The following HIBCH variants were observed in gnomAD, a reference collection of about 807,000 sequenced individuals.
The protein encoded by HIBCH is 3-hydroxyisobutyryl-CoA hydrolase.
A neutral mutation model predicts 58.2 loss-of-function variants in HIBCH; 50 were observed. The ratio of observed to expected loss-of-function variants is 0.86; its 90% confidence interval spans 0.68 to 1.09. HIBCH has a LOEUF of 1.09. Among genes scored for constraint, HIBCH ranks in the 50% least tolerant of loss-of-function variants. The pLI, the probability that HIBCH is intolerant of heterozygous loss-of-function variation, is 0.00. For synonymous variants in HIBCH, 151 were observed against 146.9 expected (o/e 1.03, Z -0.20); for missense variants, 450 against 449.7 (o/e 1.00, Z -0.01).
At chr2:190,230,463 A>G (rs1479271435) in intron 11 of HIBCH, among the ~76,000 whole-genome samples, 1 of 152,234 alleles carries the variant, frequency 6.6e-6, no homozygotes, top group Non-Finnish European at 1.5e-5. Flanking sequence ...TTGGGAGGCC[A>G]AGGCGGGCAG....
At chr2:190,318,150 G>A (rs1262603708) in intron 1 of HIBCH, among the ~76,000 whole-genome samples, 1 of 151,750 alleles carries the variant, frequency 6.6e-6, no homozygotes, top group African/African-American at 2.4e-5. Context: ...TATATATGAG[G>A]TGCAACTGAG....
At chr2:190,267,638 A>T (rs1055245165) in intron 6 of HIBCH, among the ~76,000 whole-genome samples, 1 of 152,212 alleles carries the variant, frequency 6.6e-6, no homozygotes, top group Non-Finnish European at 1.5e-5. Flanking sequence ...ATTCAGCTTC[A>T]TATTTAGTTA....
chr2:190,256,725 C>A (rs1183989240), intron 7 of HIBCH, among the ~76,000 whole-genome samples: 1 of 152,064 alleles, frequency 6.6e-6, no homozygotes, highest in Non-Finnish European at 1.5e-5. Context: ...ACACAGTTAT[C>A]ACAAACATAA....
At chr2:190,310,901 C>A in intron 1 of HIBCH, 105 bp from the exon 2 acceptor site, 2 of 767,660 alleles carry the variant, frequency 2.6e-6, no homozygotes, top group Admixed American at 2.1e-5. Context: ...AAAGGTATTA[C>A]CAGAACAAAA....
Position 190,296,879 on chromosome 2 carries a change from T to TA in HIBCH, c.152dup (p.Asn52LysfsTer12). 4 of 1,613,962 alleles carry TA rather than the reference T, an allele frequency of 2.5e-6. No individual in the cohort carries two copies. The highest frequency in any genetic ancestry group is 3.4e-6 in the Non-Finnish European group (4 of 1,179,828). On this transcript the variant is annotated frameshift_variant, in exon 3 of 14. Coordinates refer to ENST00000359678, the MANE Select transcript of HIBCH (RefSeq NM_014362.4). LOFTEE classifies it high-confidence loss of function. ...GTGCATTGAGGAACTTTGGTCTGTT[T>TA]AGTGTTATGACTCCCGTGCAACCTT... is the stretch of plus-strand genomic sequence containing the variant.
intron 1 of HIBCH, among the ~76,000 whole-genome samples, chr2:190,314,913 G>T (rs1559068985): frequency 6.6e-6 from 1 of 151,518 alleles, no homozygotes; most frequent in Admixed American, 6.6e-5. Flanking sequence ...TTCCAAAACT[G>T]CCATCTGGTG....
intron 6 of HIBCH, among the ~76,000 whole-genome samples, chr2:190,286,339 AAC>A (rs1024980596): frequency 6.6e-6 from 1 of 152,150 alleles, no homozygotes; most frequent in African/African-American, 2.4e-5. Context: ...TACACACAAA[AAC>A]AGTTTTTCCT....
intron 4 of HIBCH, among the ~76,000 whole-genome samples, chr2:190,294,022 G>GTGTGTATATA (rs755751586): frequency 7.2e-4 from 60 of 83,008 alleles, no homozygotes; most frequent in African/African-American, 2.1e-3. Flanking sequence ...TATTTTGTGT[G>GTGTGTATATA]TATATATATA....
At chr2:190,256,758 GAC>G (rs1363514437) in intron 7 of HIBCH, among the ~76,000 whole-genome samples, 3 of 152,052 alleles carry the variant, frequency 2.0e-5, no homozygotes, top group Non-Finnish European at 4.4e-5. Flanking sequence ...AGAAGTTAGA[GAC>G]ACAGAAAATT....
At chr2:190,250,901 T>C (rs1329618334) in intron 8 of HIBCH, among the ~76,000 whole-genome samples, 4 of 152,218 alleles carry the variant, frequency 2.6e-5, no homozygotes, top group Admixed American at 6.5e-5. Context: ...ATTTTTATGC[T>C]ATCCAGCTGT....
rs564307246 is a variant in HIBCH at position 190,302,025 on chromosome 2, A to G, written c.79-5072T>C. Among the ~76,000 whole-genome samples the G allele has an allele frequency of 2.0e-5, 3 of 152,374 alleles. No individual in the cohort carries two copies. The East Asian group carries it at 5.8e-4, about 29-fold the overall frequency. ...CCATAGCATGAGCTATCTTTTAAAA[A>G]GCAAAAAAATTACCTAGGATATCAG... On this transcript the variant is annotated intron_variant, in intron 2 of 13. Transcript: ENST00000359678.
chr2:190,233,267 C>A (rs555470391), intron 11 of HIBCH, among the ~76,000 whole-genome samples: 1 of 152,168 alleles, frequency 6.6e-6, no homozygotes, highest in African/African-American at 2.4e-5. Flanking sequence ...TATGACACCA[C>A]TGAGAGAGAA....
In HIBCH at chr2:190,306,941, A is replaced by G. The variant is rs1394897615; in HGVS notation, c.78+3813T>C. Among the ~76,000 whole-genome samples the G allele has an allele frequency of 6.6e-6, 1 of 152,222 alleles. No individual in the cohort carries two copies. Among genetic ancestry groups the G allele is most frequent in the Non-Finnish European group, 1.5e-5 (1 of 68,038 alleles). On this transcript the variant is annotated intron_variant, in intron 2 of 13. Coordinates refer to ENST00000359678, the MANE Select transcript of HIBCH (RefSeq NM_014362.4). This position sits in a 1 kb window ranked among gnomAD's most constrained non-coding sequence, Gnocchi z 4.6. ...CAACAAGGCTGTCTATTAACCAGGAAGCTGGCCATCACCAGACACCAAATC... is the reference window on the plus strand; with the variant it reads ...CAACAAGGCTGTCTATTAACCAGGAGGCTGGCCATCACCAGACACCAAATC...
intron 2 of HIBCH, among the ~76,000 whole-genome samples, chr2:190,305,044 G>A (rs1294091179): frequency 1.3e-5 from 2 of 152,102 alleles, no homozygotes; most frequent in African/African-American, 4.8e-5. Flanking sequence ...CTTTTTCAAT[G>A]TAATTTTGTA....
chr2:190,286,860 T>TC (rs1687840339), intron 6 of HIBCH, among the ~76,000 whole-genome samples: 1 of 102,184 alleles, frequency 9.8e-6, no homozygotes, highest in Non-Finnish European at 2.3e-5. Flanking sequence ...TAATACTGAA[T>TC]TTAAAAAAAA....
chr2:190,302,216 A>C (rs1159515965), intron 2 of HIBCH, among the ~76,000 whole-genome samples: 3 of 152,228 alleles, frequency 2.0e-5, no homozygotes, highest in Admixed American at 1.3e-4. Context: ...AGCCAAGAGC[A>C]AGCACTTCTA....
rs1688685812 is a variant in HIBCH, at chr2:190,315,237, C to T, written c.36-4441G>A. Among the ~76,000 whole-genome samples, 1 of 152,206 alleles carries T rather than the reference C, an allele frequency of 6.6e-6. No homozygotes were observed. Among genetic ancestry groups the T allele is most frequent in the South Asian group, 2.1e-4 (1 of 4,832 alleles). ...AAGTGCTGAAATTACAGGCATGAGC[C>T]ACTGTGCCCGGCCTGCTACTTCTAA... On this transcript the variant is annotated intron_variant, in intron 1 of 13. Transcript: ENST00000359678. The surrounding 1 kb of genome is among the most constrained non-coding windows in gnomAD (Gnocchi z 5.4).
intron 11 of HIBCH, among the ~76,000 whole-genome samples, chr2:190,234,912 T>C (rs901765777): frequency 2.6e-5 from 4 of 151,844 alleles, no homozygotes; most frequent in Admixed American, 6.6e-5. Flanking sequence ...GAAGAGGTAG[T>C]GAGTAGGAGG....
chr2:190,239,223 C>A (rs1359348093), intron 11 of HIBCH, among the ~76,000 whole-genome samples: 2 of 152,174 alleles, frequency 1.3e-5, no homozygotes, highest in Non-Finnish European at 2.9e-5. Context: ...AATACGGAAT[C>A]CTTTCCCCAT....
Sources: gnomAD v4.1 joint callset for allele counts (sites outside exome capture counted in the v4.1 genomes callset) on GRCh38, gnomAD v4.1.1 for gene constraint, Gnocchi (gnomAD v3.1) non-coding constraint, MANE v1.5 for transcripts, NCBI Gene and HGNC (gene_info 2026-07-23, HGNC 2026-07-21) for gene names.